The following AFF1 variants were observed in gnomAD, a reference collection of about 807,000 sequenced individuals.
AFF1 encodes the protein ALF transcription elongation factor 1, also known as AF4/FMR2 family member 1.
In AFF1, 48 loss-of-function variants were observed where a neutral mutation model predicts 121.7. The ratio of observed to expected loss-of-function variants is 0.39; its 90% CI spans 0.31 to 0.50. The LOEUF (loss-of-function observed/expected upper bound fraction) is 0.50. Ranked by LOEUF, AFF1 falls within the 20% of genes least tolerant of loss-of-function variation. The pLI is 0.76. For synonymous variants in AFF1, 613 were observed against 563.0 expected, an observed-to-expected ratio of 1.09 and a Z score of -1.26; for missense variants, 1,523 against 1,511.7, an observed-to-expected ratio of 1.01 and a Z score of -0.12.
At chr4:87,061,716 G>A (rs1055967557) in intron 4 of AFF1, among the ~76,000 whole-genome samples, 1 of 152,108 alleles carries the variant, frequency 6.6e-6, no homozygotes, top group Non-Finnish European at 1.5e-5. Flanking sequence ...AACTGTTAAT[G>A]TTCTCTCCGT....
intron 2 of AFF1, among the ~76,000 whole-genome samples, chr4:87,033,093 C>T (rs1457162169): frequency 3.9e-5 from 6 of 152,132 alleles, no homozygotes; most frequent in African/African-American, 4.8e-5. Flanking sequence ...GAGGCTGCAG[C>T]GAGCCATGAT....
chr4:86,948,699 A>G lies in AFF1; in HGVS notation c.38+128A>G, dbSNP rs538893644. On this transcript the variant is annotated intron_variant, in intron 2 of 20. Coordinates refer to ENST00000395146, the MANE Select transcript of AFF1 (RefSeq NM_001166693.3). ...TCACGGGTGCAAGAAAATGTTTGAAATTTTCAGTTTTCTCTACATGAAGTC... is the reference window on the plus strand; with the variant it reads ...TCACGGGTGCAAGAAAATGTTTGAAGTTTTCAGTTTTCTCTACATGAAGTC... 12 of 878,538 alleles carry G rather than the reference A, an allele frequency of 1.4e-5. No individual in the cohort carries two copies. The South Asian group carries it at 2.5e-4, about 18-fold the overall frequency. 54.4% of individuals were successfully genotyped at this position (878,538 alleles called of 1,614,324 possible).
At chr4:87,038,764 A>G (rs1578122215) in intron 2 of AFF1, among the ~76,000 whole-genome samples, 1 of 152,236 alleles carries the variant, frequency 6.6e-6, no homozygotes, top group East Asian at 1.9e-4. Context: ...GAGTTAATGT[A>G]CACTGTTGAT....
chr4:87,103,696 GACTT>G (rs1213317890), intron 8 of AFF1, among the ~76,000 whole-genome samples: 1 of 152,204 alleles, frequency 6.6e-6, no homozygotes, highest in African/African-American at 2.4e-5. Context: ...CTAACTTTCT[GACTT>G]ACTTTAGGAG....
At chr4:87,072,102 G>A (rs1193997600) in intron 4 of AFF1, among the ~76,000 whole-genome samples, 3 of 152,140 alleles carry the variant, frequency 2.0e-5, no homozygotes, top group Admixed American at 1.3e-4. Flanking sequence ...GGTGGCTCAC[G>A]CCTGTAATCC....
At chr4:87,121,161 G>T (rs984974156) in intron 12 of AFF1, among the ~76,000 whole-genome samples, 1 of 152,156 alleles carries the variant, frequency 6.6e-6, no homozygotes, top group African/African-American at 2.4e-5. Context: ...AGTAGAAAAA[G>T]AATTTCTGAA....
intron 2 of AFF1, among the ~76,000 whole-genome samples, chr4:87,041,686 T>C (rs1335151560): frequency 6.6e-6 from 1 of 152,112 alleles, no homozygotes; most frequent in Non-Finnish European, 1.5e-5. Flanking sequence ...AAGACACCTT[T>C]ATTAAAGTGA....
intron 2 of AFF1, among the ~76,000 whole-genome samples, chr4:87,038,899 G>A (rs1453753351): frequency 6.6e-6 from 1 of 152,178 alleles, no homozygotes; most frequent in Non-Finnish European, 1.5e-5. Flanking sequence ...TAGAGAGTTG[G>A]TGACATGTAT....
In AFF1 at chr4:87,131,059, A is replaced by G. The variant is rs1357293450; in HGVS notation, c.2965-24A>G. ...AATCAAGGTTTGTCTTCAGCCTAAC[A>G]ATGACCATGTTCTTCTCCTGCAGAC... On this transcript the variant is annotated intron_variant, in intron 16 of 20. Transcript: ENST00000395146. 1.9e-6 allele frequency: 3 copies of G among 1,612,898 alleles called. No individual in the cohort carries two copies. In the Admixed American group the frequency reaches 5.0e-5, roughly 27 times the overall value.
intron 4 of AFF1, among the ~76,000 whole-genome samples, chr4:87,076,869 T>C (rs1176412992): frequency 6.6e-6 from 1 of 152,250 alleles, no homozygotes; most frequent in African/African-American, 2.4e-5. Flanking sequence ...ATGAGCATGT[T>C]CTTGGAACAG....
At chr4:87,014,096 G>A (rs1727074125) in intron 2 of AFF1, among the ~76,000 whole-genome samples, 3 of 152,028 alleles carry the variant, frequency 2.0e-5, no homozygotes, top group South Asian at 4.1e-4. Context: ...ATTACAAACT[G>A]TTGGTTGAAA....
At chr4:86,940,529 G>C (rs1720377623) in intron 1 of AFF1, among the ~76,000 whole-genome samples, 1 of 152,140 alleles carries the variant, frequency 6.6e-6, no homozygotes, top group Non-Finnish European at 1.5e-5. Context: ...CACTCGAATA[G>C]CTGGGATCAC....
intron 2 of AFF1, among the ~76,000 whole-genome samples, chr4:87,036,109 T>C (rs1167014424): frequency 6.6e-6 from 1 of 152,190 alleles, no homozygotes; most frequent in Non-Finnish European, 1.5e-5. Context: ...AATGAGGCAC[T>C]GTGCAGCTGT....
intron 4 of AFF1, among the ~76,000 whole-genome samples, chr4:87,070,062 G>A (rs1441527316): frequency 1.3e-5 from 2 of 151,938 alleles, no homozygotes; most frequent in Admixed American, 6.6e-5. Context: ...GGAGTGCAGT[G>A]GCAGGATCTC....
intron 11 of AFF1, among the ~76,000 whole-genome samples, chr4:87,111,632 G>A (rs1290972666): frequency 1.3e-5 from 2 of 152,282 alleles, no homozygotes; most frequent in Admixed American, 6.5e-5. Flanking sequence ...GGGATTACAG[G>A]TGTGAGCCAC....
chr4:86,987,856 G>A (rs1436434898), intron 2 of AFF1, among the ~76,000 whole-genome samples: 4 of 151,954 alleles, frequency 2.6e-5, no homozygotes, highest in Admixed American at 1.3e-4. Flanking sequence ...GGGAGGCTGA[G>A]GTAGGAGGAT....
chr4:87,081,412 T>G (rs1362289741), intron 4 of AFF1, among the ~76,000 whole-genome samples: 1 of 152,184 alleles, frequency 6.6e-6, no homozygotes, highest in African/African-American at 2.4e-5. Context: ...TCCACCTGCC[T>G]CAGCCTCCCA....
chr4:87,023,677 G>A (rs1049285891), intron 2 of AFF1, among the ~76,000 whole-genome samples: 1 of 152,246 alleles, frequency 6.6e-6, no homozygotes, highest in Admixed American at 6.5e-5. Context: ...AAAATCATGT[G>A]ATGAAGGTTA....
Position 87,114,616 on chromosome 4 carries a change from T to C in AFF1, c.1783T>C (p.Ser595Pro). ...CCCCGGAAAGAGGAGCTGTCAGAAGTCTCCGGCACAGCAGGAGCCCCCACA... is the reference window on the plus strand; with the variant it reads ...CCCCGGAAAGAGGAGCTGTCAGAAGCCTCCGGCACAGCAGGAGCCCCCACA... ...PHPGKRSCQK[S>P]PAQQEPPQRQ... Residue 595 changes from serine (S) to proline (P), a missense_variant, in exon 12 of 21, where the codon TCT (serine) becomes CCT (proline). Physicochemically the swap from Ser to Pro is moderately conservative, Grantham distance 74. Transcript: ENST00000395146. 1 of 1,463,868 alleles carries C rather than the reference T, an allele frequency of 6.8e-7. No homozygotes were observed. The highest frequency in any genetic ancestry group is 3.1e-5 in the East Asian group (1 of 32,532). The allele number at this position is 1,463,868 out of a possible 1,614,324, so 90.7% of individuals were successfully genotyped here. A position where few individuals can be genotyped will look rare whatever the true frequency, so the allele number is the denominator to read the frequency against.
Sources: allele counts gnomAD v4.1 joint callset (sites outside exome capture counted in the v4.1 genomes callset), GRCh38; gene constraint gnomAD v4.1.1; transcripts MANE v1.5; gene names NCBI Gene and HGNC (gene_info 2026-07-23, HGNC 2026-07-21).